LEKR1: variants seen among roughly 807,000 people sequenced by gnomAD.
LEKR1 encodes the protein leucine, glutamate and lysine rich 1, also known as protein LEKR1.
Under a neutral mutation model 72.4 loss-of-function variants are expected in LEKR1, and 59 were observed. That is an observed-to-expected ratio of 0.82 (90% CI 0.66 to 1.01). LEKR1 has a LOEUF of 1.01. Among genes scored for constraint, LEKR1 ranks in the 50% least tolerant of loss-of-function variants. The pLI is 0.00. For missense variants in LEKR1, 728 were observed against 759.2 expected (o/e 0.96, Z 0.48); for synonymous variants, 257 against 263.2 (o/e 0.98, Z 0.23).
intron 10 of LEKR1, among the ~76,000 whole-genome samples, chr3:157,011,860 C>T (rs1262894705): frequency 6.6e-6 from 1 of 152,050 alleles, no homozygotes; most frequent in Admixed American, 6.6e-5. Context: ...AACTTCTCTT[C>T]TTCTCCTATA....
chr3:157,042,887 C>G (rs907872813), intron 12 of LEKR1, among the ~76,000 whole-genome samples: 4 of 152,130 alleles, frequency 2.6e-5, no homozygotes, highest in Non-Finnish European at 4.4e-5. Flanking sequence ...AACCAAGCCA[C>G]TTGATATGGT....
chr3:157,009,437 C>A (rs979440375), intron 9 of LEKR1, among the ~76,000 whole-genome samples: 1 of 152,052 alleles, frequency 6.6e-6, no homozygotes, highest in Admixed American at 6.6e-5. Flanking sequence ...TATAGTATAA[C>A]AATTGTTTGA....
chr3:156,930,485 G>A (rs542266604), intron 5 of LEKR1, among the ~76,000 whole-genome samples: 10 of 152,042 alleles, frequency 6.6e-5, no homozygotes, highest in African/African-American at 2.4e-4. Flanking sequence ...GACTATATTT[G>A]TATTTTATGT....
At chr3:156,939,851 T>C (rs1002412198) in intron 5 of LEKR1, among the ~76,000 whole-genome samples, 3 of 152,208 alleles carry the variant, frequency 2.0e-5, no homozygotes, top group Non-Finnish European at 4.4e-5. Context: ...GACTGAATAG[T>C]TGTTGAACTT....
intron 7 of LEKR1, among the ~76,000 whole-genome samples, chr3:156,990,761 A>G (rs771579919): frequency 1.3e-5 from 2 of 152,206 alleles, no homozygotes; most frequent in Non-Finnish European, 2.9e-5. Flanking sequence ...ATATTATGTC[A>G]TCATCTTTTG....
At chr3:156,835,045 T>C (rs1290277212) in intron 2 of LEKR1, among the ~76,000 whole-genome samples, 1 of 152,212 alleles carries the variant, frequency 6.6e-6, no homozygotes, top group Non-Finnish European at 1.5e-5. Context: ...GAAATGGATC[T>C]GGTAGTTGTA....
intron 3 of LEKR1, among the ~76,000 whole-genome samples, chr3:156,889,019 T>C (rs1720388609): frequency 6.6e-6 from 1 of 152,192 alleles, no homozygotes. Context: ...CTAGATATTG[T>C]ATTCACTCAT....
chr3:157,022,183 T>A (rs1337225815), intron 10 of LEKR1, among the ~76,000 whole-genome samples: 1 of 152,166 alleles, frequency 6.6e-6, no homozygotes, highest in Non-Finnish European at 1.5e-5. Context: ...TGTTTTCATC[T>A]AAGGATGGGG....
chr3:156,841,998 C>T (rs906343642), intron 2 of LEKR1, among the ~76,000 whole-genome samples: 3 of 152,198 alleles, frequency 2.0e-5, no homozygotes, highest in African/African-American at 7.2e-5. Context: ...CTCATAGGAG[C>T]AGGAACTGCA....
At chr3:156,829,935 A>G (rs1712149412) in intron 2 of LEKR1, among the ~76,000 whole-genome samples, 1 of 152,242 alleles carries the variant, frequency 6.6e-6, no homozygotes, top group South Asian at 2.1e-4. Flanking sequence ...CATGTCATGA[A>G]TGCATAAAAT....
chr3:156,904,781 A>G lies in LEKR1; in HGVS notation c.264-15794A>G, dbSNP rs1193951569. The stretch of plus-strand genomic sequence containing the variant: ...CCAAAGTGCTACGATTATAGGCATG[A>G]GCCACTGTGCCCAACCTATGTATGT... On this transcript the variant is annotated intron_variant, in intron 3 of 12. Coordinates refer to ENST00000356539, the MANE Select transcript of LEKR1 (RefSeq NM_001004316.3). 2.0e-5 allele frequency among the ~76,000 whole-genome samples: 3 copies of G among 151,942 alleles called. No individual in the cohort carries two copies. In the East Asian group the frequency reaches 5.8e-4, roughly 29 times the overall value.
chr3:156,884,710 A>T (rs1719865597), intron 3 of LEKR1, among the ~76,000 whole-genome samples: 1 of 152,090 alleles, frequency 6.6e-6, no homozygotes, highest in South Asian at 2.1e-4. Flanking sequence ...AGCTTTTAAG[A>T]TTATTTCCTT....
chr3:156,830,718 GAA>G (rs1712270309), intron 2 of LEKR1, among the ~76,000 whole-genome samples: 1 of 152,084 alleles, frequency 6.6e-6, no homozygotes, highest in African/African-American at 2.4e-5. Context: ...AGAGAGTGGT[GAA>G]AAGTCTCGGA....
intron 5 of LEKR1, among the ~76,000 whole-genome samples, chr3:156,931,831 G>A (rs1044932882): frequency 6.6e-6 from 1 of 152,020 alleles, no homozygotes; most frequent in Non-Finnish European, 1.5e-5. Context: ...TGCCATGGAG[G>A]GTAGGATTGA....
chr3:156,966,946 C>G (rs998370609), intron 6 of LEKR1, among the ~76,000 whole-genome samples: 24 of 152,332 alleles, frequency 1.6e-4, no homozygotes, highest in Admixed American at 2.0e-4. Context: ...GAGGAACGAT[C>G]AGGCAGCAAC....
intron 6 of LEKR1, among the ~76,000 whole-genome samples, chr3:156,945,811 G>A (rs752670039): frequency 6.6e-5 from 10 of 151,634 alleles, no homozygotes; most frequent in Non-Finnish European, 1.5e-4. Flanking sequence ...TGGTCTCTGT[G>A]TCTGTTTTTA....
intron 10 of LEKR1, among the ~76,000 whole-genome samples, chr3:157,020,682 T>C (rs1733761128): frequency 6.6e-6 from 1 of 152,100 alleles, no homozygotes; most frequent in South Asian, 2.1e-4. Flanking sequence ...CTATCATTGT[T>C]GGACATTTGG....
intron 3 of LEKR1, among the ~76,000 whole-genome samples, chr3:156,910,942 A>G (rs949959994): frequency 3.9e-5 from 6 of 152,202 alleles, no homozygotes; most frequent in African/African-American, 1.4e-4. Flanking sequence ...GAACTAATTT[A>G]CATTCCCACC....
chr3:156,972,071 G>A (rs189520094), intron 6 of LEKR1, among the ~76,000 whole-genome samples: 1 of 152,126 alleles, frequency 6.6e-6, no homozygotes, highest in South Asian at 2.1e-4. Flanking sequence ...ATTCACAATA[G>A]CAAAGACTTG....
Sources: allele counts gnomAD v4.1 joint callset (sites outside exome capture counted in the v4.1 genomes callset), GRCh38; gene constraint gnomAD v4.1.1; transcripts MANE v1.5; gene names NCBI Gene and HGNC (gene_info 2026-07-23, HGNC 2026-07-21).